FRRS1: variants seen among roughly 807,000 people sequenced by gnomAD.
The protein encoded by FRRS1 is ferric reductase 1.
FRRS1 carries 51 observed loss-of-function variants against 70.7 expected under a neutral mutation model. That is an observed-to-expected ratio of 0.72 (90% CI 0.58 to 0.91). FRRS1 has a LOEUF of 0.91. Ranked by LOEUF, FRRS1 falls within the 40% of genes least tolerant of loss-of-function variation. The pLI is 0.00. For synonymous variants in FRRS1, 225 were observed against 238.7 expected (o/e 0.94, Z 0.53); for missense variants, 672 against 726.0 (o/e 0.93, Z 0.86).
chr1:99,736,577 C>A lies in FRRS1; in HGVS notation c.759+1509G>T, dbSNP rs532817870. Among the ~76,000 whole-genome samples the A allele has an allele frequency of 5.7e-3, 772 of 135,966 alleles. 11 individuals carry two copies. Among genetic ancestry groups the A allele is most frequent in the African/African-American group, 0.023 (717 of 31,362 alleles). The allele number at this position is 135,966 out of a possible 152,430, so 89.2% of individuals were successfully genotyped here. ...AAGTGGGAATTGAACAATGAGAACA[C>A]ATGGACACAGGAAGGGGGACATCAC... On this transcript the variant is annotated intron_variant, in intron 7 of 16. Transcript: ENST00000646001.
intron 1 of FRRS1, among the ~76,000 whole-genome samples, chr1:99,758,583 G>T (rs1467087449): frequency 1.4e-5 from 2 of 146,560 alleles, no homozygotes; most frequent in Non-Finnish European, 3.0e-5. Flanking sequence ...TGATAACTGT[G>T]TTAACTGTAC....
chr1:99,762,199 T>C (rs936206586), intron 1 of FRRS1, among the ~76,000 whole-genome samples: 2 of 152,152 alleles, frequency 1.3e-5, no homozygotes, highest in Non-Finnish European at 2.9e-5. Flanking sequence ...AATGGGAGAA[T>C]CAAAGGTAGA....
chr1:99,715,144 A>G (rs1654457298), intron 12 of FRRS1, among the ~76,000 whole-genome samples: 1 of 152,156 alleles, frequency 6.6e-6, no homozygotes, highest in Admixed American at 6.5e-5. Context: ...AGTGTGAACC[A>G]CCACACCCAG....
At chr1:99,745,939 C>T (rs916856435) in intron 4 of FRRS1, among the ~76,000 whole-genome samples, 3 of 152,180 alleles carry the variant, frequency 2.0e-5, no homozygotes, top group Admixed American at 6.5e-5. Flanking sequence ...GTGTCTGCTC[C>T]GGCTTCAGCT....
chr1:99,716,142 T>C (rs564237467), intron 11 of FRRS1, among the ~76,000 whole-genome samples: 1 of 152,216 alleles, frequency 6.6e-6, no homozygotes, highest in African/African-American at 2.4e-5. Flanking sequence ...TAATTCATGA[T>C]ACAAATTAGG....
rs1654162390 is a variant in FRRS1, at chr1:99,709,227, G to C, written c.1657C>G (p.Leu553Val). The change falls in exon 16 of 17, where the codon CTT becomes GTT. Residue 553 changes from leucine (L) to valine (V), a missense_variant. Transcript: ENST00000646001. ...EILDDDRIQI[L>V]QSFTAVETEG... ...GTTTCCACTGCAGTAAATGACTGAA[G>C]GATCTGAATTCTGTCATCATCCAAT... The C allele has an allele frequency of 6.2e-7, 1 of 1,610,166 alleles. No individual in the cohort carries two copies. Among genetic ancestry groups the C allele is most frequent in the Non-Finnish European group, 8.5e-7 (1 of 1,176,526 alleles).
intron 9 of FRRS1, among the ~76,000 whole-genome samples, chr1:99,720,878 C>T (rs1264904902): frequency 7.7e-6 from 1 of 130,566 alleles, no homozygotes; most frequent in African/African-American, 3.3e-5. Context: ...CACACACACA[C>T]ACACAGAAAT....
In FRRS1 at chr1:99,739,685, C is replaced by T. The variant is rs529708620; in HGVS notation, c.576+1108G>A. On this transcript the variant is annotated intron_variant, in intron 6 of 16. Transcript: ENST00000646001. ...CTGAATATCTATTAAATGCAAGACA[C>T]AGTTATAGAAAACTTACATTCATTA... Among the ~76,000 whole-genome samples, 3 of 152,280 alleles carry T rather than the reference C, an allele frequency of 2.0e-5. No homozygotes were observed. The South Asian group carries it at 6.2e-4, about 32-fold the overall frequency.
At chr1:99,758,002 T>C (rs537221413) in intron 1 of FRRS1, among the ~76,000 whole-genome samples, 1 of 151,378 alleles carries the variant, frequency 6.6e-6, no homozygotes, top group South Asian at 2.1e-4. Context: ...TGTGCCTTTC[T>C]CCCAAGATGA....
intron 7 of FRRS1, among the ~76,000 whole-genome samples, chr1:99,737,555 A>G (rs1309309831): frequency 2.0e-5 from 3 of 152,216 alleles, no homozygotes; most frequent in African/African-American, 7.2e-5. Flanking sequence ...AATACACTGG[A>G]AATAAAATGA....
rs183956544 is a variant in FRRS1, at chr1:99,731,846, A to T, written c.760-2098T>A. 7.9e-5 allele frequency among the ~76,000 whole-genome samples: 12 copies of T among 152,278 alleles called. No homozygotes were observed. In the East Asian group the frequency reaches 9.6e-4, roughly 12 times the overall value. The stretch of plus-strand genomic sequence containing the variant: ...CGATTTATTTTTTATTTTTTAAAAA[A>T]GTAGAGATGGATTCTCGCCCTGTTG... On this transcript the variant is annotated intron_variant, in intron 7 of 16. Coordinates refer to ENST00000646001, the MANE Select transcript of FRRS1 (RefSeq NM_001361041.2).
intron 1 of FRRS1, among the ~76,000 whole-genome samples, chr1:99,763,642 G>A (rs1325651922): frequency 1.3e-5 from 2 of 152,128 alleles, no homozygotes; most frequent in African/African-American, 2.4e-5. Context: ...GCCCAGGCGG[G>A]CAGATCACCT....
rs1237702754 is a variant in FRRS1, at chr1:99,704,825, G to A, written c.*4203C>T. Among the ~76,000 whole-genome samples the A allele has an allele frequency of 2.6e-5, 4 of 152,204 alleles. No individual in the cohort carries two copies. The highest frequency in any genetic ancestry group is 4.4e-5 in the Non-Finnish European group (3 of 68,002). On this transcript the variant is annotated 3_prime_UTR_variant, in exon 17 of 17. Transcript: ENST00000646001. ...GAGGAACAGTTGGCGGAGTTTGGCC[G>A]GGGCAATCAGAGGAGAGCCCAGGCA...
chr1:99,757,274 C>T (rs1039419287), intron 1 of FRRS1, among the ~76,000 whole-genome samples: 3 of 151,984 alleles, frequency 2.0e-5, no homozygotes, highest in African/African-American at 2.4e-5. Flanking sequence ...CATTATTTTA[C>T]GATCTACCAA....
chr1:99,732,848 T>TGA (rs1341277131), intron 7 of FRRS1, among the ~76,000 whole-genome samples: 3 of 47,014 alleles, frequency 6.4e-5, no homozygotes, highest in African/African-American at 9.0e-4. Context: ...GAGACAATTT[T>TGA]TTTTTTTTTT....
In FRRS1 at chr1:99,706,613, G is replaced by A. The variant is rs181042801; in HGVS notation, c.*2415C>T. On this transcript the variant is annotated 3_prime_UTR_variant, in exon 17 of 17. Coordinates refer to ENST00000646001, the MANE Select transcript of FRRS1 (RefSeq NM_001361041.2). The stretch of plus-strand genomic sequence containing the variant: ...CATCTTTCCCTTAAAAGAATTTTCA[G>A]CTGGGCACAGTGGCTCGTGCCTGTA... Among the ~76,000 whole-genome samples, 1 of 152,272 alleles carries A rather than the reference G, an allele frequency of 6.6e-6. No individual in the cohort carries two copies. Among genetic ancestry groups the A allele is most frequent in the East Asian group, 1.9e-4 (1 of 5,176 alleles).
chr1:99,720,492 AAT>A (rs916615568), intron 9 of FRRS1, among the ~76,000 whole-genome samples: 1 of 151,938 alleles, frequency 6.6e-6, no homozygotes, highest in Admixed American at 6.6e-5. Flanking sequence ...TAATATAACA[AAT>A]ATATATATAT....
chr1:99,726,906 A>G (rs1655103642), intron 9 of FRRS1, among the ~76,000 whole-genome samples: 1 of 152,126 alleles, frequency 6.6e-6, no homozygotes, highest in Non-Finnish European at 1.5e-5. Context: ...TTTTTTGAAT[A>G]GAGACTTGGT....
chr1:99,723,449 C>T (rs1052762304), intron 9 of FRRS1, among the ~76,000 whole-genome samples: 2 of 151,880 alleles, frequency 1.3e-5, no homozygotes, highest in Non-Finnish European at 2.9e-5. Flanking sequence ...CCCAGGAGGT[C>T]GAGCTTCAGT....
Sources: gnomAD v4.1 joint callset for allele counts (sites outside exome capture counted in the v4.1 genomes callset) on GRCh38, gnomAD v4.1.1 for gene constraint, MANE v1.5 for transcripts, NCBI Gene and HGNC (gene_info 2026-07-23, HGNC 2026-07-21) for gene names.